The following CHCHD6 variants were observed in gnomAD, a reference collection of about 807,000 sequenced individuals.
CHCHD6 encodes the protein coiled-coil-helix-coiled-coil-helix domain containing 6.
A neutral mutation model predicts 32.3 loss-of-function variants in CHCHD6; 28 were observed. That is an observed-to-expected ratio of 0.87 (90% CI 0.64 to 1.19). The LOEUF (loss-of-function observed/expected upper bound fraction) is 1.19. CHCHD6 is among the 50% of genes most tolerant of loss of function. CHCHD6 has a pLI of 0.00. For missense variants in CHCHD6, 333 were observed against 307.0 expected, an observed-to-expected ratio of 1.08 and a Z score of -0.63; for synonymous variants, 122 against 117.5, an observed-to-expected ratio of 1.04 and a Z score of -0.25.
intron 6 of CHCHD6, among the ~76,000 whole-genome samples, chr3:126,939,447 C>A (rs2078528014): frequency 6.6e-6 from 1 of 152,238 alleles, no homozygotes; most frequent in Admixed American, 6.5e-5. Context: ...ATGCGCATTT[C>A]AGCCTATTGT....
intron 5 of CHCHD6, among the ~76,000 whole-genome samples, chr3:126,904,666 A>G (rs1367617974): frequency 6.6e-6 from 1 of 152,246 alleles, no homozygotes; most frequent in Non-Finnish European, 1.5e-5. Context: ...GGCATGGTCT[A>G]GAACACTCAG....
At chr3:126,960,140 C>T in intron 7 of CHCHD6, 56 bp from the exon 8 acceptor site, 1 of 1,550,566 alleles carries the variant, frequency 6.4e-7, no homozygotes, top group Non-Finnish European at 8.7e-7. Context: ...CTGCACGGAG[C>T]TGGAGGGCAT....
At chr3:126,797,644 G>T (rs1387611758) in intron 4 of CHCHD6, among the ~76,000 whole-genome samples, 2 of 152,056 alleles carry the variant, frequency 1.3e-5, no homozygotes, top group Non-Finnish European at 2.9e-5. Context: ...CTACCTATTT[G>T]TTAAAAACTT....
At chr3:126,852,608 C>A in intron 4 of CHCHD6, 39 bp from the exon 5 acceptor site, 2 of 1,484,194 alleles carry the variant, frequency 1.3e-6, no homozygotes, top group Non-Finnish European at 1.9e-6. Context: ...CCAGCACCAT[C>A]GCTGCTGGCT....
intron 3 of CHCHD6, 136 bp from the exon 4 acceptor site, chr3:126,732,942 C>G (rs1418900816): frequency 5.6e-6 from 5 of 893,174 alleles, no homozygotes; most frequent in South Asian, 1.7e-5. Context: ...TCACAGCACT[C>G]TCTCCTTTCC....
At chr3:126,872,499 G>A (rs913608792) in intron 5 of CHCHD6, among the ~76,000 whole-genome samples, 3 of 152,174 alleles carry the variant, frequency 2.0e-5, no homozygotes, top group African/African-American at 7.2e-5. Flanking sequence ...TCAAGAATCT[G>A]CATTTAGATG....
At chr3:126,917,575 A>G (rs2078189733) in intron 6 of CHCHD6, among the ~76,000 whole-genome samples, 1 of 152,234 alleles carries the variant, frequency 6.6e-6, no homozygotes, top group South Asian at 2.1e-4. Flanking sequence ...ATTAAGCAAG[A>G]TTCCACATAG....
chr3:126,859,335 A>G (rs937199743), intron 5 of CHCHD6, among the ~76,000 whole-genome samples: 8 of 152,138 alleles, frequency 5.3e-5, no homozygotes, highest in East Asian at 1.9e-4. Flanking sequence ...GCCAGGTGCT[A>G]TGTGAGAAGG....
At chr3:126,744,895 C>T (rs1046521304) in intron 4 of CHCHD6, among the ~76,000 whole-genome samples, 3 of 152,212 alleles carry the variant, frequency 2.0e-5, no homozygotes, top group South Asian at 2.1e-4. Flanking sequence ...ACCATGTTGG[C>T]CAGGCTGGGA....
At chr3:126,762,336 T>C (rs1399340124) in intron 4 of CHCHD6, among the ~76,000 whole-genome samples, 1 of 152,232 alleles carries the variant, frequency 6.6e-6, no homozygotes, top group Non-Finnish European at 1.5e-5. Context: ...TGGTATGTTG[T>C]GTTTTTGTTT....
chr3:126,862,393 TCTACCATCACCACCTCC>T (rs1941950410), intron 5 of CHCHD6, among the ~76,000 whole-genome samples: 3 of 96,646 alleles, frequency 3.1e-5, no homozygotes, highest in African/African-American at 8.4e-5. Flanking sequence ...CTCCTCCTCC[TCTACCATCACCACCTCC>T]TCCTCCACCA....
At chr3:126,905,717 A>G (rs2077995681) in intron 5 of CHCHD6, among the ~76,000 whole-genome samples, 1 of 152,148 alleles carries the variant, frequency 6.6e-6, no homozygotes, top group South Asian at 2.1e-4. Flanking sequence ...TAAAGACTGA[A>G]TGAAAGCAGT....
At chr3:126,737,390 G>GTATA (rs60896630) in intron 4 of CHCHD6, among the ~76,000 whole-genome samples, 17,980 of 132,276 alleles carry the variant, frequency 0.14, 1,370 homozygotes, top group Middle Eastern at 0.21. Flanking sequence ...TGATGTGTGA[G>GTATA]TATATATATA....
At chr3:126,712,612 G>A (rs529290710) in intron 1 of CHCHD6, among the ~76,000 whole-genome samples, 4 of 152,218 alleles carry the variant, frequency 2.6e-5, no homozygotes, top group South Asian at 2.1e-4. Flanking sequence ...GGAAGGGGTC[G>A]CTCCTGCTCT....
chr3:126,960,334 C>CCG lies in CHCHD6; in HGVS notation c.*133_*134insCG. 1 of 1,039,874 alleles carries CCG rather than the reference C, an allele frequency of 9.6e-7. No individual in the cohort carries two copies. The allele number at this position is 1,039,874 out of a possible 1,614,324, so 64.4% of individuals were successfully genotyped here. A position where few individuals can be genotyped will look rare whatever the true frequency, so the allele number is the denominator to read the frequency against. On this transcript the variant is annotated 3_prime_UTR_variant, in exon 8 of 8. Transcript: ENST00000290913. The stretch of plus-strand genomic sequence containing the variant: ...TATGCCCCTGAGCCTGGGGCTGCCA[C>CCG]GTGTTTAGGAAACAAAGTATGCGCT...
chr3:126,887,713 G>A (rs368437956), intron 5 of CHCHD6, among the ~76,000 whole-genome samples: 62 of 152,182 alleles, frequency 4.1e-4, no homozygotes, highest in African/African-American at 1.4e-3. Context: ...CCGCTTCCCG[G>A]TGGCCTCCCG....
chr3:126,907,144 A>G (rs938261103), intron 5 of CHCHD6, among the ~76,000 whole-genome samples: 1 of 152,204 alleles, frequency 6.6e-6, no homozygotes, highest in African/African-American at 2.4e-5. Flanking sequence ...AAAGACGCCA[A>G]CCTAGGGTCT....
chr3:126,809,166 G>A (rs1268679502), intron 4 of CHCHD6, among the ~76,000 whole-genome samples: 4 of 152,178 alleles, frequency 2.6e-5, no homozygotes, highest in Non-Finnish European at 5.9e-5. Flanking sequence ...CAGAGACAGA[G>A]TTTTGCTATG....
Position 126,959,888 on chromosome 3 carries a change from C to T in CHCHD6, c.703-308C>T, listed in dbSNP as rs559861793. 3.9e-5 allele frequency among the ~76,000 whole-genome samples: 6 copies of T among 152,318 alleles called. No individual in the cohort carries two copies. The East Asian group carries it at 5.8e-4, about 15-fold the overall frequency. Reference sequence around the variant, plus strand: ...TATCCAGGGTGCTTGTCAGAAACACCGCAGCAGGTTGAGGGGGCAGGGGCA... The same window carrying T: ...TATCCAGGGTGCTTGTCAGAAACACTGCAGCAGGTTGAGGGGGCAGGGGCA... On this transcript the variant is annotated intron_variant, in intron 7 of 7. Transcript: ENST00000290913.
Sources: allele counts gnomAD v4.1 joint callset (sites outside exome capture counted in the v4.1 genomes callset), GRCh38; gene constraint gnomAD v4.1.1; transcripts MANE v1.5; gene names NCBI Gene and HGNC (gene_info 2026-07-23, HGNC 2026-07-21).